DCHS2: variants seen among roughly 807,000 people sequenced by gnomAD.
DCHS2 encodes dachsous cadherin-related 2, also known as protocadherin-23.
Under a neutral mutation model 182.4 loss-of-function variants are expected in DCHS2, and 142 were observed. That is an observed-to-expected ratio of 0.78 (90% CI 0.68 to 0.89). The LOEUF is 0.89. Ranked by LOEUF, DCHS2 falls within the 40% of genes least tolerant of loss-of-function variation. The pLI is 0.00. For synonymous variants in DCHS2, 1,740 were observed against 1,663.3 expected (o/e 1.05, Z -1.12); for missense variants, 4,319 against 4,198.6 (o/e 1.03, Z -0.79).
Position 154,298,652 on chromosome 4 carries a change from T to C in DCHS2, c.5662A>G (p.Thr1888Ala). 1.9e-6 allele frequency: 3 copies of C among 1,612,808 alleles called. No homozygotes were observed. The highest frequency in any genetic ancestry group is 2.5e-6 in the Non-Finnish European group (3 of 1,179,520). The change falls in exon 13 of 20, where the codon ACT becomes GCT. Residue 1888 changes from threonine (T) to alanine (A), a missense_variant. Transcript: ENST00000357232. Reference sequence around the variant, plus strand: ...ATTTGCTCCCGGTCCAAAGCACGAGTGGTTGAGAGTTCTCCTGACATCTCA... The same window carrying C: ...ATTTGCTCCCGGTCCAAAGCACGAGCGGTTGAGAGTTCTCCTGACATCTCA... ...INEMSGELST[T>A]RALDREQISN...
chr4:154,429,914 C>G (rs1401596129), intron 1 of DCHS2, among the ~76,000 whole-genome samples: 1 of 152,164 alleles, frequency 6.6e-6, no homozygotes, highest in Non-Finnish European at 1.5e-5. Context: ...TCAGTTTCCA[C>G]ATCTGCAAAA....
At chr4:154,260,668 C>T (rs1051621473) in intron 14 of DCHS2, among the ~76,000 whole-genome samples, 1 of 152,194 alleles carries the variant, frequency 6.6e-6, no homozygotes, top group Non-Finnish European at 1.5e-5. Flanking sequence ...TGTACCATCA[C>T]CTCCCCAAAG....
rs138363293 is a variant in DCHS2, at chr4:154,364,101, C to T, written c.2476+2109G>A. Among the ~76,000 whole-genome samples, 507 of 152,252 alleles carry T rather than the reference C, an allele frequency of 3.3e-3. 2 individuals carry two copies. Among genetic ancestry groups the T allele is most frequent in the African/African-American group, 0.012 (484 of 41,546 alleles). On this transcript the variant is annotated intron_variant, in intron 3 of 19. Coordinates refer to ENST00000357232, the MANE Select transcript of DCHS2 (RefSeq NM_001358235.2). ...CAACAATAAGAACCCAAGGCTATTT[C>T]CATATAAATTTGGTCTTTGCTTAAA...
intron 1 of DCHS2, among the ~76,000 whole-genome samples, chr4:154,426,780 A>C (rs554162664): frequency 2.6e-5 from 4 of 151,710 alleles, no homozygotes; most frequent in African/African-American, 9.6e-5. Flanking sequence ...CAAAATAAAA[A>C]TAAACTTAAA....
At chr4:154,261,616 C>G (rs1244915651) in intron 14 of DCHS2, 1 of 151,920 alleles carries the variant, frequency 6.6e-6, no homozygotes, top group East Asian at 1.9e-4. Context: ...GGAGGCATAT[C>G]CTGTTCAAAT....
chr4:154,338,630 C>G lies in DCHS2; in HGVS notation c.2477-3526G>C, dbSNP rs540609094. Reference sequence around the variant, plus strand: ...TCTACTCTATATTTGTGTAAGTACACAGAAATAAATCAAGAGGATGTCATT... The same window carrying G: ...TCTACTCTATATTTGTGTAAGTACAGAGAAATAAATCAAGAGGATGTCATT... On this transcript the variant is annotated intron_variant, in intron 3 of 19. Coordinates refer to ENST00000357232, the MANE Select transcript of DCHS2 (RefSeq NM_001358235.2). 5.9e-5 allele frequency among the ~76,000 whole-genome samples: 9 copies of G among 152,178 alleles called. No homozygotes were observed. The East Asian group carries it at 1.5e-3, about 26-fold the overall frequency.
At chr4:154,355,510 C>A (rs1032739271) in intron 3 of DCHS2, 12 of 152,148 alleles carry the variant, frequency 7.9e-5, no homozygotes, top group Non-Finnish European at 5.9e-5. Flanking sequence ...AGCCAACCAG[C>A]CACCCTCAGG....
intron 1 of DCHS2, among the ~76,000 whole-genome samples, chr4:154,478,888 G>A (rs2111032781): frequency 6.6e-6 from 1 of 152,248 alleles, no homozygotes; most frequent in South Asian, 2.1e-4. Context: ...ACACTCAGAA[G>A]AATCTACGGT....
chr4:154,431,750 C>T (rs1157574066), intron 1 of DCHS2, among the ~76,000 whole-genome samples: 1 of 152,154 alleles, frequency 6.6e-6, no homozygotes, highest in East Asian at 1.9e-4. Flanking sequence ...TTTTGGTCAC[C>T]TGGCTCTAAG....
chr4:154,235,265 C>G lies in DCHS2; in HGVS notation c.9387G>C (p.Arg3129Ser). ...SDSALSDHES[R>S]VPDSGIPRDS... ...CCCTCGGGATACCCGAGTCTGGCACCCTGGACTCGTGGTCACTCAGAGCTG... is the reference window on the plus strand; with the variant it reads ...CCCTCGGGATACCCGAGTCTGGCACGCTGGACTCGTGGTCACTCAGAGCTG... Residue 3129 changes from arginine to serine, a missense_variant, in exon 20 of 20, where the codon AGG becomes AGC. Coordinates refer to ENST00000357232, the MANE Select transcript of DCHS2 (RefSeq NM_001358235.2). 1.2e-6 allele frequency: 2 copies of G among 1,614,056 alleles called. No individual in the cohort carries two copies.
chr4:154,404,852 T>C lies in DCHS2; in HGVS notation c.2053-27408A>G, dbSNP rs1391601268. On this transcript the variant is annotated intron_variant, in intron 1 of 19. Transcript: ENST00000357232. ...AGCCACACCAGCTTTATCATGCTTA[T>C]TGTCTAGGTAGTGTATTTGCTAACC... Among the ~76,000 whole-genome samples, 8 of 152,254 alleles carry C rather than the reference T, an allele frequency of 5.3e-5. No homozygotes were observed. In the East Asian group the frequency reaches 1.5e-3, roughly 29 times the overall value.
rs1243415261 is a variant in DCHS2, at chr4:154,490,747, G to A, written c.609C>T (p.Gly203=). 1 of 1,551,650 alleles carries A rather than the reference G, an allele frequency of 6.4e-7. No individual in the cohort carries two copies. The highest frequency in any genetic ancestry group is 1.4e-5 in the African/African-American group (1 of 73,182). The change falls in exon 1 of 20, where the codon GGC becomes GGT. Residue 203 remains glycine (G), a synonymous_variant. Coordinates refer to ENST00000357232, the MANE Select transcript of DCHS2 (RefSeq NM_001358235.2). ...DPDAGLFSTQ[G]YTLVQPSDLP... ...GGTCGGACGGTTGCACCAGGGTGTA[G>A]CCCTGAGTGCTGAACAGTCCGGCGT... is the stretch of plus-strand genomic sequence containing the variant.
chr4:154,329,490 A>G (rs1180530862), intron 6 of DCHS2, 33 bp downstream of exon 6: 2 of 1,589,218 alleles, frequency 1.3e-6, no homozygotes, highest in African/African-American at 1.3e-5. Flanking sequence ...GACTTAAGAT[A>G]TTACAAATTC....
chr4:154,425,520 T>C (rs1033074767), intron 1 of DCHS2, among the ~76,000 whole-genome samples: 3 of 152,196 alleles, frequency 2.0e-5, no homozygotes, highest in African/African-American at 2.4e-5. Context: ...CCCTTGATCA[T>C]TGAAACCAGA....
chr4:154,386,457 C>T (rs1204847334), intron 1 of DCHS2, among the ~76,000 whole-genome samples: 1 of 151,336 alleles, frequency 6.6e-6, no homozygotes. Flanking sequence ...GATTGATGCT[C>T]TAGTCAAGAG....
chr4:154,264,915 A>G (rs906859141), intron 14 of DCHS2, among the ~76,000 whole-genome samples: 2 of 152,190 alleles, frequency 1.3e-5, no homozygotes, highest in Admixed American at 6.6e-5. Context: ...TTGTGGTCAC[A>G]AAAGCATGTA....
chr4:154,451,642 G>A (rs1161061355), intron 1 of DCHS2, among the ~76,000 whole-genome samples: 1 of 152,152 alleles, frequency 6.6e-6, no homozygotes, highest in Non-Finnish European at 1.5e-5. Context: ...GTGGACGGCT[G>A]CAGCACTATA....
chr4:154,340,855 C>G (rs1229066526), intron 3 of DCHS2, among the ~76,000 whole-genome samples: 1 of 152,118 alleles, frequency 6.6e-6, no homozygotes, highest in East Asian at 1.9e-4. Flanking sequence ...CTAAGTGTAA[C>G]GTCAACAAAG....
chr4:154,333,526 G>A, intron 4 of DCHS2, 32 bp from the exon 5 acceptor site: 1 of 1,570,346 alleles, frequency 6.4e-7, no homozygotes, highest in South Asian at 1.2e-5. Flanking sequence ...ACCACTGTAT[G>A]TCAAAAGGGT....
Sources: allele counts gnomAD v4.1 joint callset (sites outside exome capture counted in the v4.1 genomes callset), GRCh38; gene constraint gnomAD v4.1.1; transcripts MANE v1.5; gene names NCBI Gene and HGNC (gene_info 2026-07-23, HGNC 2026-07-21).